Variants in MKLN1 observed in about 807,000 individuals in gnomAD.
MKLN1 encodes the protein muskelin 1, also known as muskelin.
A neutral mutation model predicts 99.0 loss-of-function variants in MKLN1; 18 were observed. That is an observed-to-expected ratio of 0.18 (90% CI 0.13 to 0.27). MKLN1 has a LOEUF of 0.27. MKLN1 is among the 10% of genes least tolerant of loss of function. The probability of loss-of-function intolerance (pLI) is 1.00; values close to 1 mark genes in which losing one functional copy is unlikely to be tolerated. For missense variants in MKLN1, 621 were observed against 875.9 expected, an observed-to-expected ratio of 0.71 and a Z score of 3.67; for synonymous variants, 288 against 293.2, an observed-to-expected ratio of 0.98 and a Z score of 0.18.
At chr7:131,192,445 CAATATATAAATATATAA>C (rs1796579748) in intron 2 of MKLN1, among the ~76,000 whole-genome samples, 1 of 105,680 alleles carries the variant, frequency 9.5e-6, no homozygotes, top group Non-Finnish European at 1.9e-5. Context: ...AAAATATATA[CAATATATAAATATATAA>C]AATATATAAA....
chr7:131,237,934 G>A (rs564163120), intron 3 of MKLN1, among the ~76,000 whole-genome samples: 25 of 152,274 alleles, frequency 1.6e-4, no homozygotes, highest in Non-Finnish European at 1.2e-4. Flanking sequence ...ATCACCTGAG[G>A]TCAGGAGTTC....
intron 1 of MKLN1, among the ~76,000 whole-genome samples, chr7:131,134,242 G>A (rs1377315765): frequency 3.3e-5 from 5 of 152,098 alleles, no homozygotes; most frequent in African/African-American, 1.2e-4. Context: ...CTCTGGGAAG[G>A]TCTCATGTCT....
intron 1 of MKLN1, among the ~76,000 whole-genome samples, chr7:131,137,094 C>A (rs549727177): frequency 6.6e-6 from 1 of 152,246 alleles, no homozygotes; most frequent in South Asian, 2.1e-4. Flanking sequence ...CTTAAGTAAT[C>A]CACCCACCTC....
At chr7:131,165,168 G>C (rs1327276857) in intron 2 of MKLN1, among the ~76,000 whole-genome samples, 1 of 151,902 alleles carries the variant, frequency 6.6e-6, no homozygotes, top group Non-Finnish European at 1.5e-5. Flanking sequence ...TGAGGGAAGG[G>C]TGTTTTCGTT....
chr7:131,345,259 AT>A (rs1799525658), intron 1 of MKLN1, among the ~76,000 whole-genome samples: 1 of 152,172 alleles, frequency 6.6e-6, no homozygotes, highest in African/African-American at 2.4e-5. Context: ...GGATTTTGGA[AT>A]TTTTACGATT....
chr7:131,244,128 A>T (rs1315475299), intron 3 of MKLN1, among the ~76,000 whole-genome samples: 1 of 152,148 alleles, frequency 6.6e-6, no homozygotes, highest in African/African-American at 2.4e-5. Flanking sequence ...ATCGAGTGGT[A>T]CCCGATTTCC....
chr7:131,400,721 A>G (rs574656772), intron 6 of MKLN1, among the ~76,000 whole-genome samples: 1 of 152,088 alleles, frequency 6.6e-6, no homozygotes, highest in Admixed American at 6.6e-5. Flanking sequence ...AGCTAAAAAC[A>G]GTTATATTTT....
At chr7:131,394,230 T>C (rs1252416257) in intron 4 of MKLN1, among the ~76,000 whole-genome samples, 1 of 152,100 alleles carries the variant, frequency 6.6e-6, no homozygotes, top group Non-Finnish European at 1.5e-5. Flanking sequence ...CATTCCTTCA[T>C]ACATCCTTAT....
intron 1 of MKLN1, among the ~76,000 whole-genome samples, chr7:131,367,410 T>C (rs867986134): frequency 2.0e-5 from 3 of 152,338 alleles, no homozygotes; most frequent in Middle Eastern, 3.4e-3. Context: ...ACTCATATAG[T>C]TGATACCGAA....
intron 8 of MKLN1, among the ~76,000 whole-genome samples, chr7:131,418,460 G>T (rs1296812006): frequency 6.6e-6 from 1 of 151,312 alleles, no homozygotes; most frequent in Non-Finnish European, 1.5e-5. Flanking sequence ...AATTGTCTTG[G>T]ACCACACATA....
chr7:131,141,965 TATC>T (rs1795739788), intron 1 of MKLN1, among the ~76,000 whole-genome samples: 1 of 152,188 alleles, frequency 6.6e-6, no homozygotes. Flanking sequence ...ATGTCAAAGG[TATC>T]ATTGTGAAAA....
At chr7:131,281,689 CT>C (rs561561621) in intron 3 of MKLN1, among the ~76,000 whole-genome samples, 38 of 145,194 alleles carry the variant, frequency 2.6e-4, no homozygotes, top group Admixed American at 4.1e-4. Flanking sequence ...TATTTCTTTT[CT>C]TTTTTTTTTT....
In MKLN1 at chr7:131,407,579, A is replaced by T. The variant is rs139149430; in HGVS notation, c.704-3727A>T. 6.9e-3 allele frequency among the ~76,000 whole-genome samples: 1,047 copies of T among 151,976 alleles called. 8 individuals are homozygous for T. The highest frequency in any genetic ancestry group is 0.022 in the South Asian group (106 of 4,826). On this transcript the variant is annotated intron_variant, in intron 6 of 17. Coordinates refer to ENST00000352689, the MANE Select transcript of MKLN1 (RefSeq NM_013255.5). Reference sequence around the variant, plus strand: ...TTCCAGGATAGCAAGATTTTTCCTTATAACACCTTTTTTCTCTTTAAGATT... The same window carrying T: ...TTCCAGGATAGCAAGATTTTTCCTTTTAACACCTTTTTTCTCTTTAAGATT...
intron 3 of MKLN1, among the ~76,000 whole-genome samples, chr7:131,254,144 GC>G (rs1281976420): frequency 3.9e-5 from 6 of 152,278 alleles, no homozygotes; most frequent in Middle Eastern, 3.4e-3. Context: ...GTCAAAGAGA[GC>G]TTTGCTAAAA....
At chr7:131,207,636 C>G (rs977921084) in intron 3 of MKLN1, among the ~76,000 whole-genome samples, 2 of 152,144 alleles carry the variant, frequency 1.3e-5, no homozygotes, top group Non-Finnish European at 2.9e-5. Context: ...TTCAATGTAC[C>G]ATGGCCTACC....
At chr7:131,234,539 C>A (rs962746560) in intron 3 of MKLN1, among the ~76,000 whole-genome samples, 4 of 152,086 alleles carry the variant, frequency 2.6e-5, no homozygotes, top group Admixed American at 2.6e-4. Flanking sequence ...AGCTTGTGTT[C>A]TGGGAAGCCT....
chr7:131,175,910 A>G (rs200209181), intron 2 of MKLN1, among the ~76,000 whole-genome samples: 1 of 145,774 alleles, frequency 6.9e-6, no homozygotes, highest in Non-Finnish European at 1.5e-5. Flanking sequence ...AAAAAAAACC[A>G]AAAAACAAAT....
At chr7:131,309,403 G>A (rs1436262200) in intron 3 of MKLN1, among the ~76,000 whole-genome samples, 1 of 152,030 alleles carries the variant, frequency 6.6e-6, no homozygotes, top group African/African-American at 2.4e-5. Context: ...GCAGTTACAA[G>A]TGGATTTTTT....
rs386421 is a variant in MKLN1 at position 131,178,139 on chromosome 7, G to A, written c.-296-24718G>A. ...CTTACTGTTTTTTGGTTTTTGAGAC[G>A]GAGTTTCGCTTTTGTCACCCAGGCT... On this transcript the variant is annotated intron_variant, in intron 2 of 7. Coordinates refer to the MKLN1 transcript ENST00000416992. Among the ~76,000 whole-genome samples, 4 of 152,122 alleles carry A rather than the reference G, an allele frequency of 2.6e-5. No individual in the cohort carries two copies. In the South Asian group the frequency reaches 8.3e-4, roughly 32 times the overall value.
Sources: allele counts gnomAD v4.1 joint callset (sites outside exome capture counted in the v4.1 genomes callset), GRCh38; gene constraint gnomAD v4.1.1; transcripts MANE v1.5; gene names NCBI Gene and HGNC (gene_info 2026-07-23, HGNC 2026-07-21).